ELP3: variants seen among roughly 807,000 people sequenced by gnomAD.
ELP3 encodes the protein elongator acetyltransferase complex subunit 3.
Under a neutral mutation model 74.9 loss-of-function variants are expected in ELP3, and 56 were observed. That is an observed-to-expected ratio of 0.75 (90% CI 0.60 to 0.93). ELP3 has a LOEUF of 0.93. Ranked by LOEUF, ELP3 falls within the 40% of genes least tolerant of loss-of-function variation. The pLI, the probability that ELP3 is intolerant of heterozygous loss-of-function variation, is 0.00. For synonymous variants in ELP3, 222 were observed against 239.8 expected (o/e 0.93, Z 0.68); for missense variants, 573 against 686.5 (o/e 0.83, Z 1.85).
Position 28,135,340 on chromosome 8 carries a change from G to A in ELP3, c.907-2358G>A, listed in dbSNP as rs117785661. On this transcript the variant is annotated intron_variant, in intron 9 of 14. Coordinates refer to ENST00000256398, the MANE Select transcript of ELP3 (RefSeq NM_018091.6). ...GAAGAATGTTCTTTTAGCAATAAGCGCTTCTTTCTTTATGGGATTCCTAAA... is the reference window on the plus strand; with the variant it reads ...GAAGAATGTTCTTTTAGCAATAAGCACTTCTTTCTTTATGGGATTCCTAAA... Among the ~76,000 whole-genome samples the A allele has an allele frequency of 5.6e-3, 852 of 152,304 alleles. 5 individuals carry two copies. The highest frequency in any genetic ancestry group is 9.7e-3 in the Non-Finnish European group (661 of 68,036).
chr8:28,097,051 CA>C (rs1179143967), intron 1 of ELP3, among the ~76,000 whole-genome samples, 167 bp from the exon 2 acceptor site: 1 of 152,138 alleles, frequency 6.6e-6, no homozygotes, highest in East Asian at 1.9e-4. Flanking sequence ...TTTAAAGATA[CA>C]AAAGATATGA....
intron 14 of ELP3, among the ~76,000 whole-genome samples, chr8:28,172,796 A>G (rs929723761): frequency 2.0e-5 from 3 of 152,036 alleles, no homozygotes; most frequent in Non-Finnish European, 2.9e-5. Context: ...GGCCTTTACA[A>G]TGTTAAGGAA....
At chr8:28,125,866 G>A (rs1028335592) in intron 7 of ELP3, among the ~76,000 whole-genome samples, 15 of 148,412 alleles carry the variant, frequency 1.0e-4, no homozygotes, top group African/African-American at 3.7e-4. Context: ...AGAATACCTG[G>A]CCTACTGCTA....
chr8:28,133,544 T>C (rs1812865297), intron 9 of ELP3, among the ~76,000 whole-genome samples: 1 of 152,046 alleles, frequency 6.6e-6, no homozygotes, highest in Admixed American at 6.5e-5. Context: ...TCTTGATCCA[T>C]GTTAACTTTG....
chr8:28,136,986 A>G (rs1216637210), intron 9 of ELP3, among the ~76,000 whole-genome samples: 3 of 152,216 alleles, frequency 2.0e-5, no homozygotes, highest in South Asian at 4.1e-4. Flanking sequence ...AGTTAGATCT[A>G]TTGCTCAGTG....
chr8:28,173,667 T>C (rs1226813886), intron 14 of ELP3, among the ~76,000 whole-genome samples: 1 of 151,794 alleles, frequency 6.6e-6, no homozygotes, highest in Non-Finnish European at 1.5e-5. Flanking sequence ...GAGTAGGTTA[T>C]TGATTTCAGA....
chr8:28,166,645 G>A (rs1814317668), intron 14 of ELP3, among the ~76,000 whole-genome samples: 1 of 152,154 alleles, frequency 6.6e-6, no homozygotes, highest in Non-Finnish European at 1.5e-5. Flanking sequence ...TAAAGTGCAA[G>A]GAATTATACT....
intron 5 of ELP3, among the ~76,000 whole-genome samples, chr8:28,108,416 G>T (rs922306631): frequency 6.6e-6 from 1 of 151,430 alleles, no homozygotes; most frequent in Non-Finnish European, 1.5e-5. Context: ...AGTGGAAAAT[G>T]GACAGGGTCC....
In ELP3 at chr8:28,137,910, T is replaced by A; in HGVS notation, c.1100+19T>A. 1 of 1,551,520 alleles carries A rather than the reference T, an allele frequency of 6.4e-7. No individual in the cohort carries two copies. ...TACAGAGGTAGTGTGTTATCTTTTATTCCTAAAATAGTTGGTGACTAGTCT... is the reference window on the plus strand; with the variant it reads ...TACAGAGGTAGTGTGTTATCTTTTAATCCTAAAATAGTTGGTGACTAGTCT... On this transcript the variant is annotated intron_variant, in intron 10 of 14. Transcript: ENST00000256398.
upstream of ELP3, chr8:28,090,482 GGTGTGT>G (rs34145175): frequency 1.3e-4 from 21 of 160,274 alleles, no homozygotes; most frequent in Middle Eastern, 2.4e-3. Flanking sequence ...CTGATGGGTG[GGTGTGT>G]GTGTGTGTGT....
chr8:28,139,836 T>C (rs1196178461), intron 10 of ELP3, among the ~76,000 whole-genome samples: 1 of 152,072 alleles, frequency 6.6e-6, no homozygotes, highest in Non-Finnish European at 1.5e-5. Flanking sequence ...TCCCAGCTAC[T>C]CAGGAGGCTG....
chr8:28,125,125 C>A (rs1042307515), intron 7 of ELP3, among the ~76,000 whole-genome samples: 4 of 152,150 alleles, frequency 2.6e-5, no homozygotes, highest in African/African-American at 9.7e-5. Context: ...CATGGTGCTG[C>A]TGCCAAGGAG....
chr8:28,106,348 G>A (rs946205592), intron 3 of ELP3, among the ~76,000 whole-genome samples: 26 of 151,738 alleles, frequency 1.7e-4, no homozygotes, highest in African/African-American at 4.4e-4. Context: ...AGACCATCCC[G>A]GCTAAAACGG....
chr8:28,168,520 T>C (rs1253337591), intron 14 of ELP3, among the ~76,000 whole-genome samples: 4 of 152,186 alleles, frequency 2.6e-5, no homozygotes, highest in Non-Finnish European at 5.9e-5. Flanking sequence ...ATGCTTTTGC[T>C]TAGGAGGAAT....
chr8:28,157,305 A>C (rs938169685), intron 11 of ELP3, among the ~76,000 whole-genome samples: 25 of 151,504 alleles, frequency 1.7e-4, no homozygotes, highest in Admixed American at 5.3e-4. Context: ...AAAAAAAAAA[A>C]CAGAAACAGC....
intron 7 of ELP3, among the ~76,000 whole-genome samples, chr8:28,128,284 G>A (rs1396605310): frequency 1.3e-5 from 2 of 152,002 alleles, no homozygotes; most frequent in Non-Finnish European, 2.9e-5. Flanking sequence ...GACCAGCCTG[G>A]CCAACAAAGT....
At chr8:28,120,563 A>G (rs1812327227) in intron 7 of ELP3, among the ~76,000 whole-genome samples, 1 of 152,232 alleles carries the variant, frequency 6.6e-6, no homozygotes. Flanking sequence ...AGTAGAATTT[A>G]GCAGTTGTTT....
At chr8:28,156,857 T>A (rs1355421221) in intron 11 of ELP3, among the ~76,000 whole-genome samples, 1 of 152,152 alleles carries the variant, frequency 6.6e-6, no homozygotes, top group Non-Finnish European at 1.5e-5. Flanking sequence ...CTCAAATTAT[T>A]AGGGAGAAAA....
At chr8:28,186,409 C>T (rs186199418) in intron 14 of ELP3, among the ~76,000 whole-genome samples, 2 of 152,262 alleles carry the variant, frequency 1.3e-5, no homozygotes, top group Admixed American at 1.3e-4. Flanking sequence ...CAGGGTTCGG[C>T]AATTTCAAAA....
Sources: gnomAD v4.1 joint callset for allele counts (sites outside exome capture counted in the v4.1 genomes callset) on GRCh38, gnomAD v4.1.1 for gene constraint, MANE v1.5 for transcripts, NCBI Gene and HGNC (gene_info 2026-07-23, HGNC 2026-07-21) for gene names.